Variants in VRK2 observed in about 807,000 individuals in gnomAD.
VRK2 encodes the protein VRK serine/threonine kinase 2, also known as serine/threonine-protein kinase VRK2.
VRK2 carries 60 observed loss-of-function variants against 57.6 expected under a neutral mutation model. The ratio of observed to expected loss-of-function variants is 1.04; its 90% CI spans 0.85 to 1.29. The LOEUF is 1.29. Ranked by LOEUF, VRK2 falls within the 50% of genes most tolerant of loss-of-function variation. The pLI is 0.00. For missense variants in VRK2, 705 were observed against 588.1 expected, an observed-to-expected ratio of 1.20 and a Z score of -2.06; for synonymous variants, 231 against 199.2, an observed-to-expected ratio of 1.16 and a Z score of -1.35.
intron 1 of VRK2, among the ~76,000 whole-genome samples, chr2:57,952,544 G>A (rs1402887848): frequency 1.3e-5 from 2 of 152,078 alleles, no homozygotes; most frequent in Non-Finnish European, 2.9e-5. Context: ...TCTGTGCCAG[G>A]AATTTTACTA....
At chr2:58,031,796 G>A (rs1410242386) in intron 2 of VRK2, among the ~76,000 whole-genome samples, 10 of 152,046 alleles carry the variant, frequency 6.6e-5, no homozygotes, top group Non-Finnish European at 1.3e-4. Flanking sequence ...CTGCTCAGAT[G>A]TGGAACACGG....
chr2:57,921,874 C>T (rs143516517), intron 1 of VRK2, among the ~76,000 whole-genome samples: 21 of 152,154 alleles, frequency 1.4e-4, no homozygotes, highest in Middle Eastern at 3.4e-3. Flanking sequence ...TTGTTTCTTT[C>T]GCTTCAAGTC....
At chr2:58,151,900 T>C (rs1160458227) in intron 12 of VRK2, among the ~76,000 whole-genome samples, 22 of 151,500 alleles carry the variant, frequency 1.5e-4, no homozygotes. Context: ...ATTTGATTGC[T>C]TTTGTTCCAT....
chr2:58,098,477 T>C (rs1379185719), intron 7 of VRK2, among the ~76,000 whole-genome samples: 1 of 152,136 alleles, frequency 6.6e-6, no homozygotes, highest in Non-Finnish European at 1.5e-5. Context: ...CCTATACAGC[T>C]ATACCATTTT....
Position 57,928,471 on chromosome 2 carries a change from A to G in VRK2, c.-439+20632A>G, listed in dbSNP as rs1453493907. On this transcript the variant is annotated intron_variant, in intron 1 of 15. Coordinates refer to the VRK2 transcript ENST00000417641. ...ATCTTGAATTTAATTGAGTTTCCTC[A>G]AAACAACTATTTTGAATTCTGTTGG... Among the ~76,000 whole-genome samples, 6 of 152,252 alleles carry G rather than the reference A, an allele frequency of 3.9e-5. No individual in the cohort carries two copies. The East Asian group carries it at 1.2e-3, about 29-fold the overall frequency.
At chr2:58,130,664 A>G (rs1206823502) in intron 8 of VRK2, among the ~76,000 whole-genome samples, 1 of 152,192 alleles carries the variant, frequency 6.6e-6, no homozygotes, top group Admixed American at 6.5e-5. Flanking sequence ...TCACTGAGTA[A>G]CTTTTCAGAG....
intron 8 of VRK2, among the ~76,000 whole-genome samples, chr2:58,125,417 A>T (rs1304154847): frequency 6.6e-6 from 1 of 152,064 alleles, no homozygotes; most frequent in South Asian, 2.1e-4. Context: ...ATCTTAATAC[A>T]TGTTGAATAT....
intron 1 of VRK2, among the ~76,000 whole-genome samples, chr2:57,976,297 G>C (rs1036597429): frequency 5.9e-5 from 9 of 152,110 alleles, no homozygotes; most frequent in African/African-American, 1.7e-4. Flanking sequence ...GCTGGGTCAA[G>C]TGGTAGTTCT....
intron 2 of VRK2, among the ~76,000 whole-genome samples, chr2:58,061,111 G>A (rs1032258093): frequency 6.6e-6 from 1 of 151,732 alleles, no homozygotes; most frequent in Admixed American, 6.6e-5. Context: ...TTTAAGAACT[G>A]TAAGTTATGA....
intron 1 of VRK2, among the ~76,000 whole-genome samples, chr2:58,009,483 A>G (rs1673353682): frequency 6.7e-6 from 1 of 150,346 alleles, no homozygotes; most frequent in African/African-American, 2.5e-5. Context: ...ATAAAGGTTG[A>G]TGTCTTTATT....
chr2:58,058,469 G>C, intron 2 of VRK2: 1 of 464,240 alleles, frequency 2.2e-6, no homozygotes, highest in Non-Finnish European at 4.5e-6. Flanking sequence ...GGCGCATAGA[G>C]AACATAGCTT....
chr2:57,998,844 A>T (rs554975129), intron 1 of VRK2, among the ~76,000 whole-genome samples: 10 of 152,328 alleles, frequency 6.6e-5, no homozygotes, highest in South Asian at 6.2e-4. Flanking sequence ...TCTTCCAAAT[A>T]ACACAGATGC....
At chr2:57,987,764 A>T (rs1295984092) in intron 1 of VRK2, among the ~76,000 whole-genome samples, 1 of 152,200 alleles carries the variant, frequency 6.6e-6, no homozygotes, top group Non-Finnish European at 1.5e-5. Context: ...TTGGCTAGGA[A>T]ATGGGCAAAA....
intron 2 of VRK2, among the ~76,000 whole-genome samples, chr2:58,065,064 T>G (rs1668433922): frequency 6.6e-6 from 1 of 152,158 alleles, no homozygotes; most frequent in Non-Finnish European, 1.5e-5. Context: ...CATTGTGTAT[T>G]TATTTTCTGC....
intron 2 of VRK2, chr2:58,028,536 C>A (rs191299426): frequency 6.6e-6 from 1 of 151,998 alleles, no homozygotes; most frequent in Non-Finnish European, 1.5e-5. Flanking sequence ...GGAATCACCA[C>A]ACTGTAATAC....
chr2:57,978,118 A>G (rs1268526195), intron 1 of VRK2, among the ~76,000 whole-genome samples: 1 of 151,292 alleles, frequency 6.6e-6, no homozygotes, highest in South Asian at 2.1e-4. Context: ...AGTATTGTTT[A>G]ATAATGTATG....
At chr2:57,950,742 G>A (rs987333919) in intron 1 of VRK2, among the ~76,000 whole-genome samples, 16 of 152,044 alleles carry the variant, frequency 1.1e-4, no homozygotes, top group Admixed American at 2.0e-4. Flanking sequence ...TGATGAATCC[G>A]GGGAAAATAA....
intron 1 of VRK2, among the ~76,000 whole-genome samples, chr2:57,981,850 C>A (rs1672432989): frequency 6.6e-6 from 1 of 152,164 alleles, no homozygotes; most frequent in Non-Finnish European, 1.5e-5. Context: ...TGATGAGCTT[C>A]CTTGCCATCC....
chr2:58,139,775 A>G lies in VRK2; in HGVS notation c.966A>G (p.Pro322=). ...ILNPHGIPLG[P]LDFSTKGQSI... is the part of the protein sequence containing the mutation. ...ACCCTCATGGAATACCTTTAGGACC[A>G]CTGGACTTTTCCACAAAAGGACAGA... Residue 322 remains proline (P), a synonymous_variant, in exon 11 of 13, where the codon CCA becomes CCG. Coordinates refer to ENST00000340157, the MANE Select transcript of VRK2 (RefSeq NM_006296.7). 1 of 1,613,206 alleles carries G rather than the reference A, an allele frequency of 6.2e-7. No individual in the cohort carries two copies. Among genetic ancestry groups the G allele is most frequent in the Non-Finnish European group, 8.5e-7 (1 of 1,179,404 alleles).
Sources: allele counts gnomAD v4.1 joint callset (sites outside exome capture counted in the v4.1 genomes callset), GRCh38; gene constraint gnomAD v4.1.1; transcripts MANE v1.5; gene names NCBI Gene and HGNC (gene_info 2026-07-23, HGNC 2026-07-21).